TRPM3: variants seen among roughly 807,000 people sequenced by gnomAD.
The protein encoded by TRPM3 is transient receptor potential cation channel subfamily M member 3.
A neutral mutation model predicts 181.2 loss-of-function variants in TRPM3; 77 were observed. That is an observed-to-expected ratio of 0.42 (90% confidence interval 0.35 to 0.51). The LOEUF (loss-of-function observed/expected upper bound fraction) is 0.51, where lower values mean the gene tolerates loss of function less well. Among genes scored for constraint, TRPM3 ranks in the 20% least tolerant of loss-of-function variants. The pLI, the probability that TRPM3 is intolerant of heterozygous loss-of-function variation, is 0.01. For synonymous variants in TRPM3, 745 were observed against 796.4 expected, an observed-to-expected ratio of 0.94 and a Z score of 1.09; for missense variants, 1,759 against 2,196.7, an observed-to-expected ratio of 0.80 and a Z score of 3.98.
chr9:70,614,803 A>G (rs535160930), intron 18 of TRPM3, among the ~76,000 whole-genome samples: 3 of 152,212 alleles, frequency 2.0e-5, no homozygotes, highest in South Asian at 4.1e-4. Context: ...AATATTCCAT[A>G]AAGATTCAGT....
At chr9:71,052,990 A>T (rs940924933) in intron 1 of TRPM3, among the ~76,000 whole-genome samples, 2 of 150,548 alleles carry the variant, frequency 1.3e-5, no homozygotes, top group Non-Finnish European at 3.0e-5. Context: ...ACACTTTTAC[A>T]ACCACCGAAA....
chr9:71,135,421 C>A (rs1430059015), intron 1 of TRPM3, among the ~76,000 whole-genome samples: 2 of 152,128 alleles, frequency 1.3e-5, no homozygotes, highest in African/African-American at 4.8e-5. Flanking sequence ...AATGTGAACT[C>A]TGTCAGAGCA....
chr9:71,294,257 T>C (rs1397903875), intron 1 of TRPM3, among the ~76,000 whole-genome samples: 2 of 151,794 alleles, frequency 1.3e-5, no homozygotes, highest in Non-Finnish European at 2.9e-5. Context: ...ACCTAGAATA[T>C]GTAAAAAGAA....
At chr9:71,052,996 C>T (rs896444751) in intron 1 of TRPM3, among the ~76,000 whole-genome samples, 1 of 147,366 alleles carries the variant, frequency 6.8e-6, no homozygotes, top group Non-Finnish European at 1.5e-5. Flanking sequence ...TTACAACCAC[C>T]GAAAGTGGAT....
At chr9:70,741,641 C>A (rs2074122497) in intron 8 of TRPM3, among the ~76,000 whole-genome samples, 1 of 152,054 alleles carries the variant, frequency 6.6e-6, no homozygotes, top group Non-Finnish European at 1.5e-5. Context: ...CGCTACTCAG[C>A]CATAGAAAGG....
chr9:71,224,368 A>G (rs1031758505), intron 1 of TRPM3, among the ~76,000 whole-genome samples: 1 of 152,254 alleles, frequency 6.6e-6, no homozygotes, highest in African/African-American at 2.4e-5. Context: ...AGATATAGCT[A>G]AAGTGACCAC....
At chr9:70,690,842 G>A (rs2134436847) in intron 8 of TRPM3, among the ~76,000 whole-genome samples, 1 of 152,304 alleles carries the variant, frequency 6.6e-6, no homozygotes, top group Admixed American at 6.5e-5. Flanking sequence ...AATTAAAGTT[G>A]ACTTGGTACA....
intron 1 of TRPM3, among the ~76,000 whole-genome samples, chr9:71,088,967 T>G (rs1435680717): frequency 6.6e-6 from 1 of 151,680 alleles, no homozygotes; most frequent in East Asian, 1.9e-4. Flanking sequence ...ATAGAAGCTC[T>G]CTGTTTTCTT....
intron 8 of TRPM3, among the ~76,000 whole-genome samples, chr9:70,700,470 A>G (rs985595851): frequency 1.3e-5 from 2 of 152,176 alleles, no homozygotes; most frequent in Non-Finnish European, 2.9e-5. Flanking sequence ...GTGGAATCAG[A>G]ATTAGAGTCT....
chr9:70,676,388 CACTTACAATA>C (rs1349874831), intron 9 of TRPM3, among the ~76,000 whole-genome samples: 1 of 152,158 alleles, frequency 6.6e-6, no homozygotes, highest in Non-Finnish European at 1.5e-5. Context: ...GTCCAGAGAC[CACTTACAATA>C]ACTTCATTTG....
At chr9:71,151,618 A>T (rs557789579) in intron 1 of TRPM3, among the ~76,000 whole-genome samples, 1 of 152,206 alleles carries the variant, frequency 6.6e-6, no homozygotes, top group East Asian at 1.9e-4. Context: ...TATTCTATAG[A>T]GTACTCACCC....
At chr9:70,749,439 T>A (rs1002114634) in intron 8 of TRPM3, among the ~76,000 whole-genome samples, 2 of 152,100 alleles carry the variant, frequency 1.3e-5, no homozygotes, top group African/African-American at 2.4e-5. Context: ...TAGAAAGCTA[T>A]TTTTTTTCTT....
intron 1 of TRPM3, among the ~76,000 whole-genome samples, chr9:71,278,328 T>C (rs1588252139): frequency 1.3e-5 from 2 of 152,310 alleles, no homozygotes; most frequent in East Asian, 3.9e-4. Context: ...CATTAGCACT[T>C]GGCCATGCCA....
At chr9:71,244,201 A>G (rs1202094477) in intron 1 of TRPM3, among the ~76,000 whole-genome samples, 1 of 152,188 alleles carries the variant, frequency 6.6e-6, no homozygotes, top group Non-Finnish European at 1.5e-5. Flanking sequence ...AGTTAAGCAC[A>G]TTCCCGTAGC....
At chr9:71,057,134 T>C (rs1238523905) in intron 1 of TRPM3, among the ~76,000 whole-genome samples, 1 of 151,942 alleles carries the variant, frequency 6.6e-6, no homozygotes, top group Non-Finnish European at 1.5e-5. Context: ...CGACACAGAG[T>C]TGGATTTCTA....
At position 71,286,971 on chromosome 9, in the gene TRPM3, TA is replaced by T. The variant is rs1470076457; in HGVS notation, c.183+159681del. The stretch of plus-strand genomic sequence containing the variant: ...TATATTTTATATAAATTATATATAA[TA>T]TAATTATATTATATAATTATATTAT... On this transcript the variant is annotated intron_variant, in intron 1 of 24. Transcript: ENST00000357533. Among the ~76,000 whole-genome samples the T allele has an allele frequency of 6.8e-3, 964 of 141,932 alleles. 20 individuals carry two copies. Among genetic ancestry groups the T allele is most frequent in the African/African-American group, 0.023 (894 of 38,690 alleles). 93.1% of individuals were successfully genotyped at this position (141,932 alleles called of 152,430 possible).
At chr9:71,431,560 A>G (rs1265118496) in intron 1 of TRPM3, among the ~76,000 whole-genome samples, 1 of 152,212 alleles carries the variant, frequency 6.6e-6, no homozygotes, top group Non-Finnish European at 1.5e-5. Flanking sequence ...GGGAAAAGAC[A>G]CACATTAACG....
intron 9 of TRPM3, among the ~76,000 whole-genome samples, chr9:70,674,192 C>T (rs2063538452): frequency 1.3e-5 from 2 of 152,102 alleles, no homozygotes; most frequent in Non-Finnish European, 2.9e-5. Flanking sequence ...GGCCATAATA[C>T]ATTCAATAAA....
intron 1 of TRPM3, among the ~76,000 whole-genome samples, chr9:71,027,919 C>G (rs945513845): frequency 8.5e-5 from 13 of 152,094 alleles, no homozygotes; most frequent in African/African-American, 2.9e-4. Flanking sequence ...GAAAACTTCC[C>G]CAACCTAGCT....
Sources: gnomAD v4.1 joint callset for allele counts (sites outside exome capture counted in the v4.1 genomes callset) on GRCh38, gnomAD v4.1.1 for gene constraint, MANE v1.5 for transcripts, NCBI Gene and HGNC (gene_info 2026-07-23, HGNC 2026-07-21) for gene names.